The following SON variants were observed in gnomAD, a reference collection of about 807,000 sequenced individuals.
The protein encoded by SON is SON DNA and RNA binding protein.
Under a neutral mutation model 173.3 loss-of-function variants are expected in SON, and 4 were observed. The ratio of observed to expected loss-of-function variants is 0.02; its 90% CI spans 0.01 to 0.05. The LOEUF (loss-of-function observed/expected upper bound fraction) is 0.05. SON is among the 10% of genes least tolerant of loss of function. The probability of loss-of-function intolerance (pLI) is 1.00; values close to 1 mark genes in which losing one functional copy is unlikely to be tolerated. For missense variants in SON, 2,626 were observed against 3,055.3 expected, an observed-to-expected ratio of 0.86 and a Z score of 3.31; for synonymous variants, 1,190 against 1,105.9, an observed-to-expected ratio of 1.08 and a Z score of -1.51.
chr21:33,555,441 C>A, intron 3 of SON, 50 bp downstream of exon 3: 1 of 1,436,646 alleles, frequency 7.0e-7, no homozygotes, highest in East Asian at 2.6e-5. Context: ...TGTTTTAAAC[C>A]TTAATTTTTT....
intron 8 of SON, 26 bp from the exon 9 acceptor site, chr21:33,573,282 C>T (rs1318698703): frequency 3.2e-6 from 5 of 1,585,186 alleles, no homozygotes; most frequent in East Asian, 2.2e-5. Context: ...AAAATGGGGA[C>T]ATTTTACCTT....
In SON at chr21:33,553,847, A is replaced by G. The variant is rs1159449819; in HGVS notation, c.4616A>G (p.His1539Arg). The G allele has an allele frequency of 6.2e-7, 1 of 1,613,750 alleles. No individual in the cohort carries two copies. The highest frequency in any genetic ancestry group is 8.5e-7 in the Non-Finnish European group (1 of 1,179,814). ...AATATAGACCTTAATATAAATAATCATTTAATTGCTAAAGAGATGGAACAT... is the reference window on the plus strand; with the variant it reads ...AATATAGACCTTAATATAAATAATCGTTTAATTGCTAAAGAGATGGAACAT... ...GINIDLNINN[H>R]LIAKEMEHNT... The change falls in exon 3 of 12, where the codon CAT becomes CGT. Residue 1539 changes from histidine to arginine, a missense_variant. By Grantham distance (29) the His-to-Arg change is conservative (BLOSUM62 0). Transcript: ENST00000356577.
At chr21:33,558,679 A>G (rs1380569074) in intron 4 of SON, 3 of 151,940 alleles carry the variant, frequency 2.0e-5, no homozygotes, top group Admixed American at 6.6e-5. Flanking sequence ...TTTTACCACC[A>G]CCTGACTAGG....
chr21:33,569,937 G>T (rs946410379), intron 8 of SON: 9 of 165,618 alleles, frequency 5.4e-5, no homozygotes, highest in Admixed American at 3.9e-4. Context: ...AGATGTAGGT[G>T]CATCTGGTTT....
intron 8 of SON, chr21:33,570,048 T>C (rs879724832): frequency 6.5e-6 from 1 of 153,334 alleles, no homozygotes; most frequent in Non-Finnish European, 1.5e-5. Flanking sequence ...CGCGTTGTGG[T>C]GAAGGGACAA....
At position 33,549,746 on chromosome 21, in the gene SON, G is replaced by A; in HGVS notation, c.515G>A (p.Arg172Lys). 1 of 1,614,094 alleles carries A rather than the reference G, an allele frequency of 6.2e-7. No individual in the cohort carries two copies. The highest frequency in any genetic ancestry group is 1.3e-5 in the African/African-American group (1 of 75,034). The change falls in exon 3 of 12, where the codon AGA (arginine) becomes AAA (lysine). Residue 172 changes from arginine to lysine, a missense_variant. Arg to Lys is a conservative substitution (Grantham distance 26). Coordinates refer to ENST00000356577, the MANE Select transcript of SON (RefSeq NM_138927.4). ...GCTGTGGCGCTGGAGCTTCCTACAAGAGCATTTGGCCCATCTGAGACCAAT... is the reference window on the plus strand; with the variant it reads ...GCTGTGGCGCTGGAGCTTCCTACAAAAGCATTTGGCCCATCTGAGACCAAT... ...PSAVALELPT[R>K]AFGPSETNES... is the part of the protein sequence containing the mutation.
intron 2 of SON, among the ~76,000 whole-genome samples, chr21:33,548,085 A>G (rs1250565171): frequency 1.3e-5 from 2 of 151,440 alleles, no homozygotes; most frequent in Non-Finnish European, 2.9e-5. Flanking sequence ...CCTAAGATTT[A>G]TCTAATTTGA....
chr21:33,550,054 G>C lies in SON; in HGVS notation c.823G>C (p.Val275Leu). Residue 275 changes from valine to leucine, a missense_variant, in exon 3 of 12, where the codon GTG becomes CTG. Val to Leu is a conservative substitution (Grantham distance 32, BLOSUM62 1). Coordinates refer to ENST00000356577, the MANE Select transcript of SON (RefSeq NM_138927.4). ...TMSVEYQMKS[V>L]LKSVESTSPE... is the part of the protein sequence containing the mutation. Reference sequence around the variant, plus strand: ...GTCAGTGGAGTATCAGATGAAGTCTGTGCTGAAATCTGTGGAGAGCACATC... The same window carrying C: ...GTCAGTGGAGTATCAGATGAAGTCTCTGCTGAAATCTGTGGAGAGCACATC... The C allele has an allele frequency of 1.2e-6, 2 of 1,614,160 alleles. No homozygotes were observed. The highest frequency in any genetic ancestry group is 1.1e-5 in the South Asian group (1 of 91,088).
At position 33,553,955 on chromosome 21, in the gene SON, G is replaced by A. The variant is rs778715936; in HGVS notation, c.4724G>A (p.Arg1575His). The change falls in exon 3 of 12, where the codon CGC (arginine) becomes CAC (histidine). Residue 1575 changes from arginine (R) to histidine (H), a missense_variant. This residue lies in a region of SON where 1,006 missense variants were observed against 895.6 expected (regional missense o/e 1.12). Transcript: ENST00000356577. ...TTGCCCACCAGTGAGACTAAACAGCGCACAGTATTGGATACCTACCCTGGT... is the reference window on the plus strand; with the variant it reads ...TTGCCCACCAGTGAGACTAAACAGCACACAGTATTGGATACCTACCCTGGT... Reference protein sequence around the residue: ...KILPTSETKQRTVLDTYPGVS... With the variant: ...KILPTSETKQHTVLDTYPGVS... 2 of 1,614,092 alleles carry A rather than the reference G, an allele frequency of 1.2e-6. No homozygotes were observed. Among genetic ancestry groups the A allele is most frequent in the South Asian group, 2.2e-5 (2 of 91,080 alleles).
intron 9 of SON, among the ~76,000 whole-genome samples, chr21:33,573,973 C>A (rs1260372399): frequency 6.6e-6 from 1 of 152,132 alleles, no homozygotes; most frequent in African/African-American, 2.4e-5. Context: ...AATAATGTTA[C>A]TTCTTCCTGT....
rs146914239 is a variant in SON at position 33,554,082 on chromosome 21, A to G, written c.4851A>G (p.Ala1617=). Residue 1617 remains alanine, a synonymous_variant, in exon 3 of 12, where the codon GCA becomes GCG. Transcript: ENST00000356577. The part of the protein sequence containing the change: ...GTSKGIEFTT[A]STLSLVNKYD... ...GTAAGGGTATTGAATTTACCACAGC[A>G]TCTACTCTCAGTTTAGTTAATAAAT... is the stretch of plus-strand genomic sequence containing the variant. The G allele has an allele frequency of 9.2e-4, 1,481 of 1,614,108 alleles. 2 individuals are homozygous for G. Among genetic ancestry groups the G allele is most frequent in the Middle Eastern group, 3.8e-3 (23 of 6,062 alleles).
intron 2 of SON, 22 bp downstream of exon 2, chr21:33,546,401 G>T: frequency 1.3e-6 from 2 of 1,566,386 alleles, no homozygotes; most frequent in African/African-American, 1.4e-5. Context: ...ATAATTAACT[G>T]TCTCAAAAAT....
chr21:33,565,680 C>T (rs1045698961), intron 6 of SON, among the ~76,000 whole-genome samples: 1 of 152,152 alleles, frequency 6.6e-6, no homozygotes, highest in African/African-American at 2.4e-5. Context: ...CTTAAATCAA[C>T]TTAGCGAAAT....
chr21:33,556,666 A>G (rs549277258), intron 3 of SON, among the ~76,000 whole-genome samples: 10 of 150,632 alleles, frequency 6.6e-5, no homozygotes, highest in Non-Finnish European at 1.0e-4. Context: ...GTGAGCCAAG[A>G]TGGCGCCACT....
intron 6 of SON, among the ~76,000 whole-genome samples, chr21:33,566,902 A>T (rs1020872218): frequency 6.6e-6 from 1 of 152,144 alleles, no homozygotes; most frequent in Non-Finnish European, 1.5e-5. Context: ...TATATATATA[A>T]TAGAAAATTG....
At chr21:33,562,973 T>A (rs890846812) in intron 6 of SON, among the ~76,000 whole-genome samples, 1 of 152,166 alleles carries the variant, frequency 6.6e-6, no homozygotes, top group African/African-American at 2.4e-5. Context: ...GATGTTAAGA[T>A]CATCTTTATG....
rs746548939 is a variant in SON at position 33,552,741 on chromosome 21, A to G, written c.3510A>G (p.Pro1170=). The change falls in exon 3 of 12, where the codon CCA becomes CCG. Residue 1170 remains proline (P), a synonymous_variant. Transcript: ENST00000356577. This position sits in a 1 kb window ranked among gnomAD's most constrained non-coding sequence, Gnocchi z 5.6. ...CTGAGGAGCCACCAATGACACCACC[A>G]TTGCCTCCTGAGGAACCACCAGAGG... ...LPPEEPPMTP[P]LPPEEPPEGP... is the part of the protein sequence containing the mutation. 6 of 1,613,862 alleles carry G rather than the reference A, an allele frequency of 3.7e-6. No individual in the cohort carries two copies. Among genetic ancestry groups the G allele is most frequent in the East Asian group, 2.2e-5 (1 of 44,884 alleles).
intron 7 of SON, among the ~76,000 whole-genome samples, chr21:33,568,463 T>G (rs2086218039): frequency 1.3e-5 from 2 of 152,210 alleles, no homozygotes; most frequent in Non-Finnish European, 2.9e-5. Context: ...ACCATTGCAC[T>G]CCAGCCTGGG....
Position 33,559,533 on chromosome 21 carries a change from C to A in SON, c.6469-54C>A. The A allele has an allele frequency of 6.6e-7, 1 of 1,513,340 alleles. No homozygotes were observed. The highest frequency in any genetic ancestry group is 8.9e-7 in the Non-Finnish European group (1 of 1,118,212). 93.7% of individuals were successfully genotyped at this position (1,513,340 alleles called of 1,614,324 possible). A position where few individuals can be genotyped will look rare whatever the true frequency, so the allele number is the denominator to read the frequency against. ...TCAGATTATGTAGAAAATCTCAAAC[C>A]ATTTAATGTAGATATCATATTGAGC... On this transcript the variant is annotated intron_variant, in intron 5 of 11. Coordinates refer to ENST00000356577, the MANE Select transcript of SON (RefSeq NM_138927.4). The surrounding 1 kb of genome is among the most constrained non-coding windows in gnomAD (Gnocchi z 4.1).
Sources: gnomAD v4.1 joint callset for allele counts (sites outside exome capture counted in the v4.1 genomes callset) on GRCh38, gnomAD v4.1.1 for gene constraint, gnomAD v4.1.1 regional missense constraint, Gnocchi (gnomAD v3.1) non-coding constraint, MANE v1.5 for transcripts, NCBI Gene and HGNC (gene_info 2026-07-23, HGNC 2026-07-21) for gene names.